The following ADAMTS17 variants were observed in gnomAD, a reference collection of about 807,000 sequenced individuals.
The protein encoded by ADAMTS17 is ADAM metallopeptidase with thrombospondin type 1 motif 17, also known as A disintegrin and metalloproteinase with thrombospondin motifs 17.
A neutral mutation model predicts 141.5 loss-of-function variants in ADAMTS17; 113 were observed. The observed-to-expected ratio is 0.80, with a 90% CI of 0.69 to 0.93. The LOEUF is 0.93. Ranked by LOEUF, ADAMTS17 falls within the 40% of genes least tolerant of loss-of-function variation. The pLI is 0.00. For synonymous variants in ADAMTS17, 768 were observed against 630.6 expected (o/e 1.22, Z -3.27); for missense variants, 1,659 against 1,517.9 (o/e 1.09, Z -1.54).
chr15:100,153,784 T>C (rs1296841344), intron 9 of ADAMTS17, among the ~76,000 whole-genome samples: 11 of 152,204 alleles, frequency 7.2e-5, no homozygotes, highest in Admixed American at 6.5e-4. Context: ...CCAAGATTCT[T>C]AAGGAAAGAG....
Position 100,341,975 on chromosome 15 carries a change from T to C in ADAMTS17, c.-76A>G. ...CGCTAGGCGGCGGCGCCAGCCGGAG[T>C]GAAGCCCTCCAGCCTTTGGAAAAAG... is the stretch of plus-strand genomic sequence containing the variant. On this transcript the variant is annotated 5_prime_UTR_variant, in exon 1 of 22. Coordinates refer to ENST00000268070, the MANE Select transcript of ADAMTS17 (RefSeq NM_139057.4). 2.0e-6 allele frequency: 3 copies of C among 1,509,498 alleles called. No individual in the cohort carries two copies. The highest frequency in any genetic ancestry group is 2.0e-5 in the Admixed American group (1 of 50,826). 93.5% of individuals were successfully genotyped at this position (1,509,498 alleles called of 1,614,324 possible). A position where few individuals can be genotyped will look rare whatever the true frequency, so the allele number is the denominator to read the frequency against.
intron 9 of ADAMTS17, 58 bp from the exon 10 acceptor site, chr15:100,152,820 T>G: frequency 6.5e-7 from 1 of 1,531,926 alleles, no homozygotes; most frequent in Non-Finnish European, 8.8e-7. Flanking sequence ...TTTTTTGTTT[T>G]CTTTTTCTTT....
chr15:100,081,807 C>A (rs1300478765), intron 15 of ADAMTS17, among the ~76,000 whole-genome samples: 1 of 152,208 alleles, frequency 6.6e-6, no homozygotes, highest in African/African-American at 2.4e-5. Context: ...TTGCATTTCC[C>A]TGATAACCAA....
chr15:100,297,388 G>T (rs2044860316), intron 3 of ADAMTS17, among the ~76,000 whole-genome samples: 1 of 152,180 alleles, frequency 6.6e-6, no homozygotes, highest in African/African-American at 2.4e-5. Flanking sequence ...TCTGTGGGCA[G>T]AAGAGATTCC....
chr15:100,330,169 C>T (rs1393702313), intron 3 of ADAMTS17, among the ~76,000 whole-genome samples: 2 of 152,132 alleles, frequency 1.3e-5, no homozygotes, highest in Non-Finnish European at 2.9e-5. Flanking sequence ...AGTATAAGAG[C>T]CCCAGGTTCT....
Position 100,341,248 on chromosome 15 carries a change from G to C in ADAMTS17, c.241C>G (p.Leu81Val). 3 of 1,359,086 alleles carry C rather than the reference G, an allele frequency of 2.2e-6. No individual in the cohort carries two copies. The highest frequency in any genetic ancestry group is 1.9e-6 in the Non-Finnish European group (2 of 1,053,256). 84.2% of individuals were successfully genotyped at this position (1,359,086 alleles called of 1,614,324 possible). ...APRARPGERA[L>V]LLHLPAFGRD... ...CCGAAGGCCGGCAGGTGCAGCAGCA[G>C]GGCGCGCTCTCCGGGCCGGGCGCGC... The change falls in exon 2 of 22, where the codon CTG (leucine) becomes GTG (valine). Residue 81 changes from leucine to valine, a missense_variant. Coordinates refer to ENST00000268070, the MANE Select transcript of ADAMTS17 (RefSeq NM_139057.4).
At chr15:100,261,094 G>A (rs1359542390) in intron 6 of ADAMTS17, among the ~76,000 whole-genome samples, 4 of 152,194 alleles carry the variant, frequency 2.6e-5, no homozygotes, top group African/African-American at 9.7e-5. Flanking sequence ...CTCAGTACCT[G>A]TGAATGTGAC....
intron 14 of ADAMTS17, among the ~76,000 whole-genome samples, chr15:100,099,641 C>T (rs974271968): frequency 6.6e-6 from 1 of 152,320 alleles, no homozygotes; most frequent in African/African-American, 2.4e-5. Context: ...TCCTGGCCAG[C>T]ATTTGCTGGT....
intron 8 of ADAMTS17, among the ~76,000 whole-genome samples, chr15:100,196,532 G>A (rs962889806): frequency 4.6e-5 from 7 of 152,246 alleles, no homozygotes. Context: ...TTTGCGTGCT[G>A]TGTGCAAAGG....
chr15:100,260,684 C>G (rs548457294), intron 6 of ADAMTS17, among the ~76,000 whole-genome samples: 6 of 151,848 alleles, frequency 4.0e-5, no homozygotes, highest in Non-Finnish European at 5.9e-5. Flanking sequence ...AACAAACTGT[C>G]CCCAAGCTAA....
chr15:100,275,160 T>C (rs2044037490), intron 4 of ADAMTS17, among the ~76,000 whole-genome samples: 1 of 152,172 alleles, frequency 6.6e-6, no homozygotes, highest in Non-Finnish European at 1.5e-5. Flanking sequence ...AGGAACTCGT[T>C]CCACAAGGCA....
Position 100,109,101 on chromosome 15 carries a change from A to C in ADAMTS17, c.1904T>G (p.Leu635Arg). The C allele has an allele frequency of 6.2e-7, 1 of 1,613,110 alleles. No homozygotes were observed. The highest frequency in any genetic ancestry group is 1.1e-5 in the South Asian group (1 of 90,968). The stretch of plus-strand genomic sequence containing the variant: ...CTCCTTCCCGAGGGGCGAGCAGTAG[A>C]GTTCACATGGCTTATCTGAGGAGGG... ...AVVVDDKPCE[L>R]YCSPLGKESP... Residue 635 changes from leucine to arginine, a missense_variant, in exon 14 of 22, where the codon CTC (leucine) becomes CGC (arginine). Coordinates refer to ENST00000268070, the MANE Select transcript of ADAMTS17 (RefSeq NM_139057.4).
intron 3 of ADAMTS17, among the ~76,000 whole-genome samples, chr15:100,304,695 C>G (rs916788071): frequency 2.6e-5 from 4 of 152,174 alleles, no homozygotes; most frequent in African/African-American, 9.7e-5. Context: ...TGTACAAAGC[C>G]ATTTCTGCTC....
In ADAMTS17 at chr15:100,116,132, T is replaced by TAAAAAAAAAAAAAAAAAAAAAA. The variant is rs34003703; in HGVS notation, c.1888+693_1888+714dup. Among the ~76,000 whole-genome samples the TAAAAAAAAAAAAAAAAAAAAAA allele has an allele frequency of 5.9e-5, 5 of 84,782 alleles. 1 individual carries two copies. The highest frequency in any genetic ancestry group is 3.8e-4 in the East Asian group (1 of 2,614). The allele number at this position is 84,782 out of a possible 152,430, so 55.6% of individuals were successfully genotyped here. ...TTTCCTAAAGAAGAACAGTTTTAGG[T>TAAAAAAAAAAAAAAAAAAAAAA]AAAAAAAAAAAAAAAAAAAAAAAAA... is the stretch of plus-strand genomic sequence containing the variant. On this transcript the variant is annotated intron_variant, in intron 13 of 21. Coordinates refer to ENST00000268070, the MANE Select transcript of ADAMTS17 (RefSeq NM_139057.4).
intron 18 of ADAMTS17, among the ~76,000 whole-genome samples, chr15:100,017,000 G>A (rs547163142): frequency 1.3e-5 from 2 of 152,234 alleles, no homozygotes; most frequent in Admixed American, 1.3e-4. Context: ...GGCAGGGGTG[G>A]ACGCGTCTGA....
At chr15:100,136,901 T>C (rs1454427691) in intron 10 of ADAMTS17, among the ~76,000 whole-genome samples, 1 of 151,958 alleles carries the variant, frequency 6.6e-6, no homozygotes, top group East Asian at 1.9e-4. Flanking sequence ...GCACAGATAA[T>C]GGGAAAAGAG....
At chr15:100,222,536 C>T (rs998082757) in intron 7 of ADAMTS17, among the ~76,000 whole-genome samples, 18 of 152,210 alleles carry the variant, frequency 1.2e-4, no homozygotes, top group South Asian at 4.1e-4. Context: ...GGGTGGCCTC[C>T]GTGTCCCCCC....
intron 13 of ADAMTS17, among the ~76,000 whole-genome samples, chr15:100,113,118 G>C (rs943595458): frequency 6.6e-6 from 1 of 152,080 alleles, no homozygotes; most frequent in Non-Finnish European, 1.5e-5. Flanking sequence ...AGTCCCCGGC[G>C]GACAGGCCTC....
intron 9 of ADAMTS17, 134 bp downstream of exon 9, chr15:100,155,046 C>A (rs985258902): frequency 5.7e-5 from 76 of 1,340,564 alleles, no homozygotes; most frequent in Non-Finnish European, 7.9e-5. Flanking sequence ...TCTGCGCTGA[C>A]CGCCTCCTGA....
Sources: gnomAD v4.1 joint callset for allele counts (sites outside exome capture counted in the v4.1 genomes callset) on GRCh38, gnomAD v4.1.1 for gene constraint, MANE v1.5 for transcripts, NCBI Gene and HGNC (gene_info 2026-07-23, HGNC 2026-07-21) for gene names.